The following SETD2 variants were observed in gnomAD, a reference collection of about 807,000 sequenced individuals.
SETD2 encodes the protein SET domain containing 2, histone lysine methyltransferase, also known as histone-lysine N-methyltransferase SETD2.
SETD2 carries 31 observed loss-of-function variants against 242.1 expected under a neutral mutation model. The observed-to-expected ratio is 0.13, with a 90% CI of 0.10 to 0.17. The LOEUF is 0.17. SETD2 is among the 10% of genes least tolerant of loss of function. The probability of loss-of-function intolerance (pLI) is 1.00; values close to 1 mark genes in which losing one functional copy is unlikely to be tolerated. For synonymous variants in SETD2, 1,006 were observed against 1,066.5 expected (o/e 0.94, Z 1.11); for missense variants, 2,481 against 3,046.3 (o/e 0.81, Z 4.37).
At chr3:47,066,780 A>G (rs900230418) in intron 13 of SETD2, among the ~76,000 whole-genome samples, 20 of 152,040 alleles carry the variant, frequency 1.3e-4, no homozygotes, top group African/African-American at 4.6e-4. Flanking sequence ...AAGACTAAAT[A>G]AAAAAAATAA....
Position 47,112,692 on chromosome 3 carries a change from C to T in SETD2, c.4715+1184G>A, listed in dbSNP as rs373858076. On this transcript the variant is annotated intron_variant, in intron 5 of 20. Coordinates refer to ENST00000409792, the MANE Select transcript of SETD2 (RefSeq NM_014159.7). ...GCAACCTCCACCTCCCAAGTTCAAG[C>T]GATTCTCCTACCTCAGCCTCCCAGG... is the stretch of plus-strand genomic sequence containing the variant. Among the ~76,000 whole-genome samples the T allele has an allele frequency of 5.2e-4, 79 of 152,048 alleles. 1 individual carries two copies. The highest frequency in any genetic ancestry group is 1.7e-3 in the East Asian group (9 of 5,144).
chr3:47,077,180 G>A (rs886490256), intron 12 of SETD2, among the ~76,000 whole-genome samples: 2 of 152,134 alleles, frequency 1.3e-5, no homozygotes, highest in Non-Finnish European at 2.9e-5. Context: ...TACCTCCTGG[G>A]TTCAAGCAAT....
intron 18 of SETD2, among the ~76,000 whole-genome samples, chr3:47,022,680 G>A (rs2038285583): frequency 6.6e-6 from 1 of 152,200 alleles, no homozygotes; most frequent in Admixed American, 6.5e-5. Context: ...ATCTATGTGA[G>A]GCCGTGGACA....
chr3:47,022,664 G>A (rs2038285131), intron 18 of SETD2, among the ~76,000 whole-genome samples: 1 of 152,194 alleles, frequency 6.6e-6, no homozygotes, highest in African/African-American at 2.4e-5. Flanking sequence ...AAAGATTCTG[G>A]TGGAAATCTA....
intron 19 of SETD2, among the ~76,000 whole-genome samples, chr3:47,019,548 T>C (rs932199800): frequency 3.9e-5 from 6 of 152,138 alleles, no homozygotes; most frequent in African/African-American, 1.2e-4. Context: ...CAAGCAAATG[T>C]GGTCTGAGAG....
At chr3:47,152,054 T>C (rs891947728) in intron 1 of SETD2, among the ~76,000 whole-genome samples, 1 of 152,196 alleles carries the variant, frequency 6.6e-6, no homozygotes, top group Admixed American at 6.6e-5. Flanking sequence ...CCAAAAAGTA[T>C]ACTATACTTT....
Position 47,123,892 on chromosome 3 carries a change from T to C in SETD2, c.744A>G (p.Glu248=), listed in dbSNP as rs2106714767. ...LKEPPIIIVP[E]SLEADTKQDT... is the part of the protein sequence containing the mutation. ...CCTGCTTAGTATCTGCTTCTAAAGA[T>C]TCTGGTACAATTATAATTGGTGGTT... is the stretch of plus-strand genomic sequence containing the variant. The change falls in exon 3 of 21, where the codon GAA becomes GAG. Residue 248 remains glutamate (E), a synonymous_variant. Transcript: ENST00000409792. 1 of 1,552,046 alleles carries C rather than the reference T, an allele frequency of 6.4e-7. No homozygotes were observed. Among genetic ancestry groups the C allele is most frequent in the Non-Finnish European group, 8.7e-7 (1 of 1,146,894 alleles).
intron 2 of SETD2, among the ~76,000 whole-genome samples, chr3:47,125,438 T>G (rs1183040593): frequency 6.6e-6 from 1 of 152,184 alleles, no homozygotes; most frequent in African/African-American, 2.4e-5. Flanking sequence ...GTTTGTTTTT[T>G]GGGGTGTTTT....
intron 9 of SETD2, 74 bp from the exon 10 acceptor site, chr3:47,088,321 G>T: frequency 6.8e-7 from 1 of 1,464,934 alleles, no homozygotes; most frequent in South Asian, 1.3e-5. Context: ...CCAAAAAGTT[G>T]CTCAACCTTA....
At chr3:47,038,169 C>G (rs2039108925) in intron 17 of SETD2, among the ~76,000 whole-genome samples, 1 of 152,184 alleles carries the variant, frequency 6.6e-6, no homozygotes, top group Non-Finnish European at 1.5e-5. Flanking sequence ...GTGACTGTAC[C>G]TAGCATATAA....
At chr3:47,081,190 CTGA>C (rs1474713658) in intron 12 of SETD2, 9 of 543,552 alleles carry the variant, frequency 1.7e-5, no homozygotes, top group Non-Finnish European at 1.9e-5. Context: ...CTTTCATTTA[CTGA>C]TGATTCCTAT....
chr3:47,025,392 T>A (rs2038427903), intron 18 of SETD2, among the ~76,000 whole-genome samples: 2 of 152,222 alleles, frequency 1.3e-5, no homozygotes, highest in African/African-American at 2.4e-5. Flanking sequence ...ATTACTGATC[T>A]CACCTTTATT....
chr3:47,018,729 C>T (rs369227496), intron 19 of SETD2, among the ~76,000 whole-genome samples: 18 of 152,214 alleles, frequency 1.2e-4, no homozygotes, highest in African/African-American at 4.3e-4. Flanking sequence ...TGCAATGGTT[C>T]CCGATAACCC....
intron 1 of SETD2, among the ~76,000 whole-genome samples, chr3:47,150,589 A>C (rs1244905482): frequency 2.6e-5 from 4 of 152,108 alleles, no homozygotes; most frequent in African/African-American, 7.2e-5. Flanking sequence ...CCAACAGAAG[A>C]AGCATAAAAA....
At chr3:47,089,538 A>G (rs1465486452) in intron 9 of SETD2, among the ~76,000 whole-genome samples, 1 of 152,206 alleles carries the variant, frequency 6.6e-6, no homozygotes. Flanking sequence ...CAAGGATTTT[A>G]TAATTATGCT....
At chr3:47,163,618 C>T in intron 1 of SETD2, 1 of 220,236 alleles carries the variant, frequency 4.5e-6, no homozygotes, top group Non-Finnish European at 8.6e-6. Flanking sequence ...CCCGGCCCAA[C>T]CGCCGCCGCG....
intron 12 of SETD2, chr3:47,080,951 C>A (rs2041294220): frequency 5.1e-6 from 5 of 986,846 alleles, no homozygotes; most frequent in Non-Finnish European, 6.0e-6. Context: ...AACTTCCCAA[C>A]CATCTTCCTG....
chr3:47,144,815 T>C (rs1282207182), intron 1 of SETD2, among the ~76,000 whole-genome samples: 1 of 151,136 alleles, frequency 6.6e-6, no homozygotes, highest in Non-Finnish European at 1.5e-5. Context: ...AAAAATTAGA[T>C]GGGCACACAC....
intron 12 of SETD2, among the ~76,000 whole-genome samples, chr3:47,067,973 T>C (rs1045139248): frequency 2.0e-5 from 3 of 152,220 alleles, no homozygotes; most frequent in East Asian, 1.9e-4. Context: ...TGTACCAAAA[T>C]TGATCCTGAG....
Sources: gnomAD v4.1 joint callset for allele counts (sites outside exome capture counted in the v4.1 genomes callset) on GRCh38, gnomAD v4.1.1 for gene constraint, MANE v1.5 for transcripts, NCBI Gene and HGNC (gene_info 2026-07-23, HGNC 2026-07-21) for gene names.